NELL1: variants seen among roughly 807,000 people sequenced by gnomAD.
NELL1 encodes protein kinase C-binding protein NELL1.
Under a neutral mutation model 107.4 loss-of-function variants are expected in NELL1, and 76 were observed. The observed-to-expected ratio is 0.71, with a 90% CI of 0.59 to 0.86. The LOEUF (loss-of-function observed/expected upper bound fraction) is 0.86. NELL1 is among the 40% of genes least tolerant of loss of function. NELL1 has a pLI of 0.00. For missense variants in NELL1, 1,024 were observed against 1,005.5 expected, an observed-to-expected ratio of 1.02 and a Z score of -0.25; for synonymous variants, 353 against 341.2, an observed-to-expected ratio of 1.03 and a Z score of -0.38.
chr11:20,761,970 C>G (rs1253851600), intron 2 of NELL1, among the ~76,000 whole-genome samples: 1 of 152,210 alleles, frequency 6.6e-6, no homozygotes, highest in African/African-American at 2.4e-5. Flanking sequence ...AAGGAAACTT[C>G]TCGGGAGAGA....
rs762136734 is a variant in NELL1 at position 21,027,673 on chromosome 11, GA to G, written c.1300+67114del. On this transcript the variant is annotated intron_variant, in intron 12 of 19. Coordinates refer to ENST00000357134, the MANE Select transcript of NELL1 (RefSeq NM_006157.5). Reference sequence around the variant, plus strand: ...GCAATAACCACCTCTTAGGTTCTGGGATTCTTCAAATAAGACCAGTGGGGAA... The same window carrying G: ...GCAATAACCACCTCTTAGGTTCTGGGTTCTTCAAATAAGACCAGTGGGGAA... Among the ~76,000 whole-genome samples, 83 of 152,216 alleles carry G rather than the reference GA, an allele frequency of 5.5e-4. 2 individuals are homozygous for G. The highest frequency in any genetic ancestry group is 1.5e-4 in the Non-Finnish European group (10 of 68,014).
intron 15 of NELL1, among the ~76,000 whole-genome samples, chr11:21,486,363 C>T (rs191899458): frequency 1.3e-5 from 2 of 152,120 alleles, no homozygotes; most frequent in Non-Finnish European, 1.5e-5. Context: ...TTGCAGATAT[C>T]ACCAATGCTG....
At position 21,229,464 on chromosome 11, in the gene NELL1, C is replaced by A; in HGVS notation, c.1549+10C>A. 6.2e-7 allele frequency: 1 copy of A among 1,613,244 alleles called. No individual in the cohort carries two copies. Among genetic ancestry groups the A allele is most frequent in the Non-Finnish European group, 8.5e-7 (1 of 1,179,532 alleles). ...GGGACCATCTGCAGAGGTAGGCTTG[C>A]CGCCTTAGTGTTGAGTTGTGAGCAG... On this transcript the variant is annotated intron_variant, in intron 14 of 19. Transcript: ENST00000357134.
intron 13 of NELL1, among the ~76,000 whole-genome samples, chr11:21,180,708 C>T (rs1253748057): frequency 6.6e-6 from 1 of 151,578 alleles, no homozygotes; most frequent in Non-Finnish European, 1.5e-5. Flanking sequence ...TTCTGTACTG[C>T]CTTCTTGTTT....
chr11:20,812,775 G>A (rs529940108), intron 3 of NELL1, among the ~76,000 whole-genome samples: 19 of 151,962 alleles, frequency 1.3e-4, no homozygotes, highest in East Asian at 5.8e-4. Context: ...TTGGGAGGCC[G>A]AGGCGGGCGG....
intron 15 of NELL1, among the ~76,000 whole-genome samples, chr11:21,384,456 A>AT (rs1851689183): frequency 6.7e-6 from 1 of 149,510 alleles, no homozygotes; most frequent in Non-Finnish European, 1.5e-5. Context: ...TTATTTATTT[A>AT]TTATTATACT....
chr11:20,730,515 C>T lies in NELL1; in HGVS notation c.184+52455C>T, dbSNP rs1377017254. Among the ~76,000 whole-genome samples the T allele has an allele frequency of 3.9e-5, 6 of 152,250 alleles. No individual in the cohort carries two copies. In the South Asian group the frequency reaches 8.3e-4, roughly 21 times the overall value. ...ACCCAGAGAGGTTAAATGGCAGAAT[C>T]GGTACTTGAACCTAGACCTCTTTGA... On this transcript the variant is annotated intron_variant, in intron 2 of 19. Transcript: ENST00000357134.
chr11:21,565,829 C>A (rs1856959565), intron 17 of NELL1, among the ~76,000 whole-genome samples: 1 of 151,902 alleles, frequency 6.6e-6, no homozygotes, highest in Non-Finnish European at 1.5e-5. Context: ...AAATGTGTTT[C>A]TACCCCAGGT....
In NELL1 at chr11:20,761,997, A is replaced by G. The variant is rs80224501; in HGVS notation, c.185-21683A>G. On this transcript the variant is annotated intron_variant, in intron 2 of 19. Coordinates refer to ENST00000357134, the MANE Select transcript of NELL1 (RefSeq NM_006157.5). ...CGGGAGAGAACCTTGTGAGTGCCTT[A>G]AATATCTTTCCAGGTGGGCACCATC... Among the ~76,000 whole-genome samples the G allele has an allele frequency of 9.5e-3, 1,443 of 152,300 alleles. 28 individuals are homozygous for G. The highest frequency in any genetic ancestry group is 0.033 in the African/African-American group (1,373 of 41,568).
intron 3 of NELL1, among the ~76,000 whole-genome samples, chr11:20,837,792 C>T (rs887990155): frequency 2.6e-5 from 4 of 151,312 alleles, no homozygotes; most frequent in South Asian, 2.1e-4. Context: ...AAATGATAAC[C>T]CATGAGTCTA....
At chr11:21,299,113 G>T (rs1455844691) in intron 14 of NELL1, among the ~76,000 whole-genome samples, 3 of 151,996 alleles carry the variant, frequency 2.0e-5, no homozygotes, top group Admixed American at 1.3e-4. Flanking sequence ...TCCCCACTGA[G>T]TTGATAACAG....
chr11:21,555,059 A>G (rs1004673044), intron 16 of NELL1, among the ~76,000 whole-genome samples: 2 of 151,996 alleles, frequency 1.3e-5, no homozygotes, highest in African/African-American at 4.8e-5. Context: ...TATAAAGTCA[A>G]TACTTACAGG....
At chr11:20,990,358 T>G (rs532647912) in intron 12 of NELL1, among the ~76,000 whole-genome samples, 15 of 152,308 alleles carry the variant, frequency 9.8e-5, no homozygotes, top group Non-Finnish European at 1.9e-4. Flanking sequence ...AACCGGTAAC[T>G]ATTTTGGATG....
intron 4 of NELL1, among the ~76,000 whole-genome samples, chr11:20,856,445 T>C (rs1234912417): frequency 6.6e-6 from 1 of 152,240 alleles, no homozygotes; most frequent in Non-Finnish European, 1.5e-5. Context: ...GTCACTTTTC[T>C]GACAGCAAAT....
intron 15 of NELL1, among the ~76,000 whole-genome samples, chr11:21,402,247 C>T (rs189157580): frequency 6.6e-6 from 1 of 151,898 alleles, no homozygotes; most frequent in Admixed American, 6.6e-5. Flanking sequence ...AATGATTCTA[C>T]TTTGATCTCT....
At chr11:20,906,650 C>T (rs1314421698) in intron 5 of NELL1, among the ~76,000 whole-genome samples, 1 of 151,964 alleles carries the variant, frequency 6.6e-6, no homozygotes, top group Non-Finnish European at 1.5e-5. Context: ...ATGCACTATG[C>T]CCAAGTGGGA....
chr11:21,465,140 T>G (rs1335740255), intron 15 of NELL1, among the ~76,000 whole-genome samples: 1 of 152,046 alleles, frequency 6.6e-6, no homozygotes, highest in Non-Finnish European at 1.5e-5. Flanking sequence ...TCAAATATCC[T>G]TAAGATTCTT....
rs149754667 is a variant in NELL1 at position 21,113,606 on chromosome 11, G to A, written c.1318G>A (p.Ala440Thr). 4.3e-6 allele frequency: 7 copies of A among 1,611,720 alleles called. No individual in the cohort carries two copies. In the East Asian group the frequency reaches 1.6e-4, roughly 36 times the overall value. ...TCCTTCAGATATTGATGAGTGTGCA[G>A]CTAAGATGCATTACTGTCATGCCAA... Reference protein sequence around the residue: ...AYCEDIDECAAKMHYCHANTV... With the variant: ...AYCEDIDECATKMHYCHANTV... Residue 440 changes from alanine (A) to threonine (T), a missense_variant, in exon 13 of 20, where the codon GCT (alanine) becomes ACT (threonine). Ala to Thr is a moderately conservative substitution (Grantham distance 58). Coordinates refer to ENST00000357134, the MANE Select transcript of NELL1 (RefSeq NM_006157.5).
At chr11:21,276,573 A>G (rs1264428649) in intron 14 of NELL1, among the ~76,000 whole-genome samples, 15 of 152,242 alleles carry the variant, frequency 9.9e-5, no homozygotes, top group African/African-American at 3.6e-4. Flanking sequence ...GAACCAAAAA[A>G]GAGCCTGCAT....
Sources: gnomAD v4.1 joint callset for allele counts (sites outside exome capture counted in the v4.1 genomes callset) on GRCh38, gnomAD v4.1.1 for gene constraint, MANE v1.5 for transcripts, NCBI Gene and HGNC (gene_info 2026-07-23, HGNC 2026-07-21) for gene names.